Variants in HDAC9 observed in about 807,000 individuals in gnomAD.
HDAC9 encodes MEF-2 interacting transcription repressor (MITR) protein.
In HDAC9, 41 loss-of-function variants were observed where a neutral mutation model predicts 139.4. The ratio of observed to expected loss-of-function variants is 0.29; its 90% CI spans 0.23 to 0.38. The LOEUF is 0.38. Ranked by LOEUF, HDAC9 falls within the 10% of genes least tolerant of loss-of-function variation. HDAC9 has a pLI of 1.00. For synonymous variants in HDAC9, 517 were observed against 476.2 expected (o/e 1.09, Z -1.12); for missense variants, 1,147 against 1,297.0 (o/e 0.88, Z 1.78).
At chr7:18,815,864 T>C (rs1267031461) in intron 17 of HDAC9, among the ~76,000 whole-genome samples, 4 of 152,184 alleles carry the variant, frequency 2.6e-5, no homozygotes, top group Non-Finnish European at 5.9e-5. Flanking sequence ...CTTCCCTGAA[T>C]CTCCCAGATT....
intron 1 of HDAC9, chr7:18,458,881 G>T: frequency 1.3e-6 from 2 of 1,534,656 alleles, no homozygotes; most frequent in Non-Finnish European, 1.7e-6. Flanking sequence ...CTATTCTGTG[G>T]CTGCTGTAGG....
upstream of HDAC9, among the ~76,000 whole-genome samples, chr7:18,288,296 G>T (rs1325523229): frequency 6.6e-6 from 1 of 152,182 alleles, no homozygotes; most frequent in African/African-American, 2.4e-5. Context: ...ATTCTTCTTT[G>T]TGTGTTCTTT....
chr7:18,516,826 A>C (rs949544591), intron 2 of HDAC9, among the ~76,000 whole-genome samples: 3 of 144,086 alleles, frequency 2.1e-5, no homozygotes, highest in Non-Finnish European at 4.5e-5. Context: ...GTGCCATTGC[A>C]CTCCAGCCTG....
At chr7:18,748,912 A>G (rs1788210903) in intron 13 of HDAC9, 93 bp from the exon 14 acceptor site, 7 of 1,173,756 alleles carry the variant, frequency 6.0e-6, no homozygotes, top group Non-Finnish European at 8.4e-6. Flanking sequence ...TTTAAGAATA[A>G]TGACTTTTTT....
intron 2 of HDAC9, chr7:18,578,169 T>G (rs1826603855): frequency 1.9e-6 from 1 of 518,834 alleles, no homozygotes; most frequent in South Asian, 1.4e-5. Flanking sequence ...AACAAGATGG[T>G]GAGTGACCTC....
intron 23 of HDAC9, among the ~76,000 whole-genome samples, chr7:18,937,336 CT>C (rs1781715718): frequency 6.6e-6 from 1 of 152,108 alleles, no homozygotes; most frequent in South Asian, 2.1e-4. Flanking sequence ...CCGTGCCTGG[CT>C]GTCTTGTTAA....
intron 17 of HDAC9, among the ~76,000 whole-genome samples, chr7:18,822,914 A>G (rs544975427): frequency 1.3e-5 from 2 of 152,362 alleles, no homozygotes; most frequent in South Asian, 4.1e-4. Flanking sequence ...TATGTATCAT[A>G]GTATTTGTAT....
intron 17 of HDAC9, among the ~76,000 whole-genome samples, chr7:18,824,012 G>A (rs1795189578): frequency 6.7e-6 from 1 of 150,118 alleles, no homozygotes; most frequent in Non-Finnish European, 1.5e-5. Context: ...AGGGGAATGG[G>A]AAGGGGAAGA....
At chr7:18,174,757 C>T (rs993425009) in intron 2 of HDAC9, among the ~76,000 whole-genome samples, 3 of 152,134 alleles carry the variant, frequency 2.0e-5, no homozygotes, top group African/African-American at 4.8e-5. Flanking sequence ...CTCCAGACGC[C>T]GTTTGCCTGG....
chr7:18,624,172 C>T (rs1039802144), intron 6 of HDAC9, among the ~76,000 whole-genome samples: 1 of 152,116 alleles, frequency 6.6e-6, no homozygotes, highest in African/African-American at 2.4e-5. Flanking sequence ...CTTCCGCCAC[C>T]TAGGTTTACT....
intron 17 of HDAC9, among the ~76,000 whole-genome samples, chr7:18,805,714 G>A (rs1409594935): frequency 6.6e-6 from 1 of 152,192 alleles, no homozygotes; most frequent in African/African-American, 2.4e-5. Flanking sequence ...CACTGACAGT[G>A]GACCTGAGAG....
chr7:18,953,148 C>T (rs146624909), intron 23 of HDAC9, among the ~76,000 whole-genome samples: 37 of 152,126 alleles, frequency 2.4e-4, no homozygotes, highest in African/African-American at 8.2e-4. Flanking sequence ...TGCTTTGATG[C>T]GTCTAGTGAC....
At chr7:18,856,022 G>A (rs35334608) in intron 21 of HDAC9, among the ~76,000 whole-genome samples, 1,737 of 152,208 alleles carry the variant, frequency 0.011, 13 homozygotes, top group African/African-American at 0.014. Context: ...CCACATTAGC[G>A]AGGCTGGTGT....
At chr7:18,175,072 A>G (rs559891123) in intron 2 of HDAC9, among the ~76,000 whole-genome samples, 3 of 152,218 alleles carry the variant, frequency 2.0e-5, no homozygotes, top group Non-Finnish European at 4.4e-5. Context: ...GGTGGAGTCT[A>G]CAGAGGCAGC....
chr7:18,879,367 G>A (rs967150454), intron 22 of HDAC9, among the ~76,000 whole-genome samples: 5 of 151,984 alleles, frequency 3.3e-5, no homozygotes, highest in South Asian at 4.2e-4. Flanking sequence ...AATCCTAAGC[G>A]AAAAGAGCAT....
chr7:18,846,929 T>A (rs1796947346), intron 21 of HDAC9, among the ~76,000 whole-genome samples: 2 of 152,174 alleles, frequency 1.3e-5, no homozygotes, highest in African/African-American at 4.8e-5. Context: ...CTTTCTTGTT[T>A]GAGCTTGGAT....
At chr7:18,544,810 A>G (rs1173427582) in intron 2 of HDAC9, among the ~76,000 whole-genome samples, 1 of 152,216 alleles carries the variant, frequency 6.6e-6, no homozygotes, top group Admixed American at 6.5e-5. Context: ...GTCATTGCCA[A>G]ATGGCTACCT....
intron 1 of HDAC9, among the ~76,000 whole-genome samples, chr7:18,158,811 T>C (rs1473192408): frequency 1.3e-5 from 2 of 152,210 alleles, no homozygotes; most frequent in East Asian, 1.9e-4. Context: ...AGTAATAGGC[T>C]GGGACAGTGA....
chr7:18,739,358 T>A (rs1298016940), intron 13 of HDAC9, among the ~76,000 whole-genome samples: 1 of 152,226 alleles, frequency 6.6e-6, no homozygotes, highest in Non-Finnish European at 1.5e-5. Context: ...CTTTTAGAAT[T>A]TTCAGCTTTT....
Sources: gnomAD v4.1 joint callset for allele counts (sites outside exome capture counted in the v4.1 genomes callset) on GRCh38, gnomAD v4.1.1 for gene constraint, MANE v1.5 for transcripts, NCBI Gene and HGNC (gene_info 2026-07-23, HGNC 2026-07-21) for gene names.